Variants in NIPA2 observed in about 807,000 individuals in gnomAD.
The protein encoded by NIPA2 is NIPA magnesium transporter 2.
NIPA2 carries 11 observed loss-of-function variants against 29.7 expected under a neutral mutation model. The ratio of observed to expected loss-of-function variants is 0.37; its 90% CI spans 0.23 to 0.61. NIPA2 has a LOEUF of 0.61. Ranked by LOEUF, NIPA2 falls within the 20% of genes least tolerant of loss-of-function variation. The pLI is 0.66. For missense variants in NIPA2, 426 were observed against 437.9 expected (o/e 0.97, Z 0.24); for synonymous variants, 183 against 161.9 (o/e 1.13, Z -0.99).
chr15:22,857,836 CAAAAAAAAA>C (rs60523225), intron 5 of NIPA2, among the ~76,000 whole-genome samples: 9 of 68,794 alleles, frequency 1.3e-4, no homozygotes, highest in Non-Finnish European at 1.5e-4. Flanking sequence ...GACTCCATCT[CAAAAAAAAA>C]AAAAAAAAAA....
chr15:22,847,446 G>A lies in NIPA2; in HGVS notation c.-94+2179G>A, dbSNP rs181405986. Among the ~76,000 whole-genome samples, 36 of 151,884 alleles carry A rather than the reference G, an allele frequency of 2.4e-4. 1 individual carries two copies. Among genetic ancestry groups the A allele is most frequent in the African/African-American group, 8.0e-4 (33 of 41,388 alleles). On this transcript the variant is annotated intron_variant, in intron 3 of 7. Coordinates refer to ENST00000337451, the MANE Select transcript of NIPA2 (RefSeq NM_030922.7). ...AAGAACATTGCTTCATGAAGACAAAGATTAAAGGAGGATGATGATTCTTTT... is the reference window on the plus strand; with the variant it reads ...AAGAACATTGCTTCATGAAGACAAAAATTAAAGGAGGATGATGATTCTTTT...
chr15:22,853,089 C>T, intron 4 of NIPA2, 123 bp from the exon 5 acceptor site: 1 of 633,266 alleles, frequency 1.6e-6, no homozygotes, highest in South Asian at 2.1e-5. Context: ...AATCCCGAGT[C>T]ATGCAGAAAC....
At position 22,858,457 on chromosome 15, in the gene NIPA2, T is replaced by C. The variant is rs927691969; in HGVS notation, c.197-83T>C. The C allele has an allele frequency of 3.0e-5, 21 of 711,146 alleles. No individual in the cohort carries two copies. In the South Asian group the frequency reaches 3.3e-4, roughly 11 times the overall value. 44.1% of individuals were successfully genotyped at this position (711,146 alleles called of 1,614,324 possible). The stretch of plus-strand genomic sequence containing the variant: ...TACTAAATACAGTTGAAATAATATA[T>C]AGATAGTGCATAAAATGCCGGCATT... On this transcript the variant is annotated intron_variant, in intron 5 of 7. Transcript: ENST00000337451.
chr15:22,859,907 T>TA (rs1207688897), intron 6 of NIPA2, among the ~76,000 whole-genome samples: 1 of 152,170 alleles, frequency 6.6e-6, no homozygotes, highest in Non-Finnish European at 1.5e-5. Flanking sequence ...TACAAGTTAT[T>TA]AAAACCTGAT....
At chr15:22,849,697 C>G (rs2057574121) in intron 3 of NIPA2, among the ~76,000 whole-genome samples, 1 of 151,918 alleles carries the variant, frequency 6.6e-6, no homozygotes, top group African/African-American at 2.4e-5. Flanking sequence ...GTAGCTGGAA[C>G]TACAGGCGCC....
At chr15:22,860,991 C>T (rs981957267) in intron 7 of NIPA2, among the ~76,000 whole-genome samples, 1 of 152,068 alleles carries the variant, frequency 6.6e-6, no homozygotes, top group Non-Finnish European at 1.5e-5. Context: ...AAGTAGTGTG[C>T]GTATATTGCT....
At chr15:22,841,587 C>G (rs1302465006) in intron 2 of NIPA2, among the ~76,000 whole-genome samples, 1 of 152,136 alleles carries the variant, frequency 6.6e-6, no homozygotes, top group Non-Finnish European at 1.5e-5. Context: ...CGGCTCACTG[C>G]AACCTCCGCC....
chr15:22,857,383 G>A (rs1285013897), intron 5 of NIPA2, among the ~76,000 whole-genome samples: 1 of 150,632 alleles, frequency 6.6e-6, no homozygotes, highest in Non-Finnish European at 1.5e-5. Context: ...GTTGTAGTGA[G>A]CCAAGATCAC....
Position 22,846,834 on chromosome 15 carries a change from A to T in NIPA2, c.-94+1567A>T, listed in dbSNP as rs71400450. Reference sequence around the variant, plus strand: ...CTGTCTCCAAAATAATAATAATAATAATAATAATTATTATTATTATTATTT... The same window carrying T: ...CTGTCTCCAAAATAATAATAATAATTATAATAATTATTATTATTATTATTT... On this transcript the variant is annotated intron_variant, in intron 3 of 7. Coordinates refer to ENST00000337451, the MANE Select transcript of NIPA2 (RefSeq NM_030922.7). 8.9e-3 allele frequency among the ~76,000 whole-genome samples: 900 copies of T among 101,422 alleles called. 6 individuals are homozygous for T. The highest frequency in any genetic ancestry group is 0.033 in the South Asian group (104 of 3,184). The allele number at this position is 101,422 out of a possible 152,430, so 66.5% of individuals were successfully genotyped here.
In NIPA2 at chr15:22,851,887, G is replaced by T; in HGVS notation, c.139+17G>T. On this transcript the variant is annotated intron_variant, in intron 4 of 7. Coordinates refer to ENST00000337451, the MANE Select transcript of NIPA2 (RefSeq NM_030922.7). ...TGAGAGCAGGTAGGTTATGCCTTAT[G>T]TGACTTTGAAGTGACCTCAGTGTCT... 6.2e-7 allele frequency: 1 copy of T among 1,609,120 alleles called. No homozygotes were observed. Among genetic ancestry groups the T allele is most frequent in the Non-Finnish European group, 8.5e-7 (1 of 1,177,958 alleles).
chr15:22,843,681 C>T (rs914777090), intron 2 of NIPA2, among the ~76,000 whole-genome samples: 7 of 150,752 alleles, frequency 4.6e-5, no homozygotes, highest in Non-Finnish European at 7.4e-5. Flanking sequence ...GACGGAGTCT[C>T]GCCCTGTGGC....
rs1356822471 is a variant in NIPA2 at position 22,866,868 on chromosome 15, A to AAT, written c.*22_*23dup. Reference sequence around the variant, plus strand: ...TTTAAGAAAGGTGTAATTAAAGGTTAATCTGTGATTGTTATGAAGTGAATT... The same window carrying AAT: ...TTTAAGAAAGGTGTAATTAAAGGTTAATATCTGTGATTGTTATGAAGTGAATT... On this transcript the variant is annotated 3_prime_UTR_variant, in exon 8 of 8. Coordinates refer to ENST00000337451, the MANE Select transcript of NIPA2 (RefSeq NM_030922.7). The AAT allele has an allele frequency of 6.4e-7, 1 of 1,557,372 alleles. No individual in the cohort carries two copies. The highest frequency in any genetic ancestry group is 1.9e-5 in the Admixed American group (1 of 52,000).
At chr15:22,858,171 A>T (rs2058341799) in intron 5 of NIPA2, among the ~76,000 whole-genome samples, 1 of 152,176 alleles carries the variant, frequency 6.6e-6, no homozygotes, top group Admixed American at 6.5e-5. Flanking sequence ...AGGCGGGCAG[A>T]TCACGAGGTC....
In NIPA2 at chr15:22,858,622, G is replaced by T. The variant is rs757308166; in HGVS notation, c.279G>T (p.Val93=). The stretch of plus-strand genomic sequence containing the variant: ...TGACTCCACTAGGAGCTCTCAGCGT[G>T]CTAGTAAGGTAAGGACACGTTTTTC... ...TLVTPLGALS[V]LVSAILSSYF... is the part of the protein sequence containing the mutation. Residue 93 remains valine, a synonymous_variant, in exon 6 of 8, where the codon GTG becomes GTT. Coordinates refer to ENST00000337451, the MANE Select transcript of NIPA2 (RefSeq NM_030922.7). 6.3e-7 allele frequency: 1 copy of T among 1,592,602 alleles called. No individual in the cohort carries two copies. Among genetic ancestry groups the T allele is most frequent in the Admixed American group, 1.7e-5 (1 of 57,510 alleles).
Position 22,843,504 on chromosome 15 carries a change from T to TA in NIPA2, c.-215-1626dup, listed in dbSNP as rs201160111. Among the ~76,000 whole-genome samples the TA allele has an allele frequency of 1.4e-3, 191 of 138,676 alleles. 1 individual carries two copies. Among genetic ancestry groups the TA allele is most frequent in the African/African-American group, 3.6e-3 (135 of 37,694 alleles). The allele number at this position is 138,676 out of a possible 152,430, so 91.0% of individuals were successfully genotyped here. A position where few individuals can be genotyped will look rare whatever the true frequency, so the allele number is the denominator to read the frequency against. On this transcript the variant is annotated intron_variant, in intron 2 of 7. Transcript: ENST00000337451. Reference sequence around the variant, plus strand: ...CTGGGGGACAGAGCGAGACTCCATCTAAAAAAAAAAAAAAAATCTCTGGAC... The same window carrying TA: ...CTGGGGGACAGAGCGAGACTCCATCTAAAAAAAAAAAAAAAAATCTCTGGAC...
At chr15:22,858,131 C>T (rs533661498) in intron 5 of NIPA2, among the ~76,000 whole-genome samples, 6 of 152,262 alleles carry the variant, frequency 3.9e-5, no homozygotes, top group East Asian at 3.9e-4. Context: ...CAGTGGCTCA[C>T]GCCTGTAATC....
chr15:22,865,556 C>T (rs1329033435), intron 7 of NIPA2, among the ~76,000 whole-genome samples: 1 of 152,000 alleles, frequency 6.6e-6, no homozygotes, highest in African/African-American at 2.4e-5. Flanking sequence ...ATTCATGTGA[C>T]TTATCTGGGC....
rs1263987041 is a variant in NIPA2, at chr15:22,867,502, C to A, written c.*655C>A. ...GCCTTAGCACCTCATCAAGCCAGCA[C>A]ATCCTGCCTGCTGTTGCAGCCTGGC... On this transcript the variant is annotated 3_prime_UTR_variant, in exon 8 of 8. Transcript: ENST00000337451. 3.4e-6 allele frequency: 1 copy of A among 290,014 alleles called. No homozygotes were observed. The highest frequency in any genetic ancestry group is 5.1e-5 in the Admixed American group (1 of 19,520). 18.0% of individuals were successfully genotyped at this position (290,014 alleles called of 1,614,324 possible). A position where few individuals can be genotyped will look rare whatever the true frequency, so the allele number is the denominator to read the frequency against.
At chr15:22,856,804 ATG>A (rs34077772) in intron 5 of NIPA2, among the ~76,000 whole-genome samples, 65,295 of 151,952 alleles carry the variant, frequency 0.43, 16,138 homozygotes, top group Non-Finnish European at 0.55. Context: ...AGCAGGGAGA[ATG>A]TGGAGCAAAG....
Sources: allele counts gnomAD v4.1 joint callset (sites outside exome capture counted in the v4.1 genomes callset), GRCh38; gene constraint gnomAD v4.1.1; transcripts MANE v1.5; gene names NCBI Gene and HGNC (gene_info 2026-07-23, HGNC 2026-07-21).